Variants in EXTL3 observed in about 807,000 individuals in gnomAD.
EXTL3 encodes exostosin like glycosyltransferase 3.
EXTL3 carries 27 observed loss-of-function variants against 69.3 expected under a neutral mutation model. The ratio of observed to expected loss-of-function variants is 0.39; its 90% CI spans 0.29 to 0.54. EXTL3 has a LOEUF of 0.54. Ranked by LOEUF, EXTL3 falls within the 20% of genes least tolerant of loss-of-function variation. The pLI, the probability that EXTL3 is intolerant of heterozygous loss-of-function variation, is 0.69. For missense variants in EXTL3, 1,003 were observed against 1,231.8 expected, an observed-to-expected ratio of 0.81 and a Z score of 2.78; for synonymous variants, 511 against 499.4, an observed-to-expected ratio of 1.02 and a Z score of -0.31.
At chr8:28,655,476 A>G (rs1400490838) in intron 1 of EXTL3, among the ~76,000 whole-genome samples, 1 of 151,174 alleles carries the variant, frequency 6.6e-6, no homozygotes, top group Non-Finnish European at 1.5e-5. Flanking sequence ...ATACCTTGAG[A>G]ATAAAAATCT....
At chr8:28,618,113 T>C (rs1023653204), upstream of EXTL3, among the ~76,000 whole-genome samples, 1 of 152,134 alleles carries the variant, frequency 6.6e-6, no homozygotes, top group African/African-American at 2.4e-5. Context: ...TTGAGCTCTA[T>C]ACTTAAAAAT....
chr8:28,618,430 C>T (rs1379381464), upstream of EXTL3, among the ~76,000 whole-genome samples: 1 of 152,082 alleles, frequency 6.6e-6, no homozygotes, highest in African/African-American at 2.4e-5. Flanking sequence ...ATGCAAAGGC[C>T]TAGAATTAGA....
intron 1 of EXTL3, among the ~76,000 whole-genome samples, chr8:28,625,576 A>G (rs929763679): frequency 6.6e-6 from 1 of 152,196 alleles, no homozygotes; most frequent in Non-Finnish European, 1.5e-5. Flanking sequence ...TCCAATAATA[A>G]AAACATCACT....
At chr8:28,618,851 G>A (rs899540690), upstream of EXTL3, among the ~76,000 whole-genome samples, 7 of 151,906 alleles carry the variant, frequency 4.6e-5, no homozygotes, top group African/African-American at 9.7e-5. Context: ...TTGGGAGGCT[G>A]AGGCTGGTGG....
upstream of EXTL3, among the ~76,000 whole-genome samples, chr8:28,619,844 TC>T (rs1806385853): frequency 9.0e-6 from 1 of 111,618 alleles, no homozygotes; most frequent in African/African-American, 3.2e-5. Flanking sequence ...GGCTTCTGGT[TC>T]TTTTTTTTTT....
intron 1 of EXTL3, among the ~76,000 whole-genome samples, chr8:28,643,171 G>C (rs958978623): frequency 6.6e-6 from 1 of 152,036 alleles, no homozygotes; most frequent in Non-Finnish European, 1.5e-5. Flanking sequence ...TTGAACCTGG[G>C]ACGTGGAGGT....
intron 1 of EXTL3, among the ~76,000 whole-genome samples, chr8:28,628,729 C>T (rs1806530581): frequency 6.6e-6 from 1 of 152,168 alleles, no homozygotes; most frequent in Non-Finnish European, 1.5e-5. Context: ...TCTCTGCTCA[C>T]TGTAACCTCT....
chr8:28,741,235 G>A (rs1801772781), intron 5 of EXTL3: 1 of 152,180 alleles, frequency 6.6e-6, no homozygotes, highest in Admixed American at 6.5e-5. Context: ...ACCACATACT[G>A]ATGGAAATAC....
At position 28,727,490 on chromosome 8, in the gene EXTL3, G is replaced by A. The variant is rs10087522; in HGVS notation, c.2149-3733G>A. Among the ~76,000 whole-genome samples, 1,461 of 152,260 alleles carry A rather than the reference G, an allele frequency of 9.6e-3. 19 individuals are homozygous for A. Among genetic ancestry groups the A allele is most frequent in the African/African-American group, 0.033 (1,367 of 41,538 alleles). On this transcript the variant is annotated intron_variant, in intron 3 of 6. Coordinates refer to ENST00000220562, the MANE Select transcript of EXTL3 (RefSeq NM_001440.4). The stretch of plus-strand genomic sequence containing the variant: ...GTAGGTTCTCTTGATTTGGTTGTTT[G>A]TAAATTAGATAATTTTGGATATGAT...
chr8:28,709,238 A>G (rs1800982882), intron 1 of EXTL3, among the ~76,000 whole-genome samples: 1 of 152,194 alleles, frequency 6.6e-6, no homozygotes, highest in Admixed American at 6.5e-5. Context: ...AACCCACTTC[A>G]CGGGATTGCT....
intron 1 of EXTL3, among the ~76,000 whole-genome samples, chr8:28,702,307 C>T (rs1221943848): frequency 6.6e-6 from 1 of 152,232 alleles, no homozygotes; most frequent in Non-Finnish European, 1.5e-5. Context: ...AGGCCCAGCT[C>T]CCCTAGAGCC....
intron 1 of EXTL3, among the ~76,000 whole-genome samples, chr8:28,634,657 G>A (rs987185885): frequency 4.0e-5 from 6 of 150,388 alleles, no homozygotes; most frequent in Admixed American, 1.3e-4. Context: ...GTGCAGTGGC[G>A]GAATCTCAGC....
intron 1 of EXTL3, among the ~76,000 whole-genome samples, chr8:28,644,099 A>AT (rs370439150): frequency 2.8e-4 from 41 of 146,374 alleles, no homozygotes; most frequent in South Asian, 4.3e-4. Flanking sequence ...TTACAGTTTG[A>AT]TTTTTTTTTT....
At chr8:28,756,389 A>C (rs552884279), downstream of EXTL3, among the ~76,000 whole-genome samples, 1 of 152,314 alleles carries the variant, frequency 6.6e-6, no homozygotes, top group Admixed American at 6.5e-5. Flanking sequence ...CTACACACCC[A>C]GCATAACGTT....
At chr8:28,636,513 C>T (rs1209436110) in intron 1 of EXTL3, among the ~76,000 whole-genome samples, 1 of 152,096 alleles carries the variant, frequency 6.6e-6, no homozygotes, top group African/African-American at 2.4e-5. Flanking sequence ...AATATCTGCC[C>T]TTAAGAGAAT....
chr8:28,636,412 C>T (rs1806656835), intron 1 of EXTL3, among the ~76,000 whole-genome samples: 1 of 151,962 alleles, frequency 6.6e-6, no homozygotes, highest in Non-Finnish European at 1.5e-5. Flanking sequence ...GCTCTTATCA[C>T]CCTCAACGGA....
upstream of EXTL3, among the ~76,000 whole-genome samples, chr8:28,619,161 G>A (rs992280005): frequency 5.5e-5 from 8 of 144,972 alleles, no homozygotes; most frequent in South Asian, 2.2e-4. Flanking sequence ...GATTTAGCAC[G>A]AGTTTTCCCT....
At chr8:28,647,956 GGGGGTGGGT>G (rs1806861063) in intron 1 of EXTL3, among the ~76,000 whole-genome samples, 1 of 140,926 alleles carries the variant, frequency 7.1e-6, no homozygotes, top group African/African-American at 2.9e-5. Flanking sequence ...TAGATGGGTT[GGGGGTGGGT>G]TGGGGGTGGG....
rs4732876 is a variant in EXTL3, at chr8:28,753,777, G to A, written c.*2911G>A. On this transcript the variant is annotated 3_prime_UTR_variant, in exon 7 of 7. Transcript: ENST00000220562. ...CTGCTTGATTGCTTGATTCCAGGTC[G>A]CCACCTGTGTATGCCAGCTGGGCCT... The A allele has an allele frequency of 0.35, 53,683 of 152,404 alleles. 9,652 individuals are homozygous for A. The highest frequency in any genetic ancestry group is 0.4 in the African/African-American group (16,466 of 41,444). The allele number at this position is 152,404 out of a possible 1,614,324, so 9.4% of individuals were successfully genotyped here.
Sources: gnomAD v4.1 joint callset for allele counts (sites outside exome capture counted in the v4.1 genomes callset) on GRCh38, gnomAD v4.1.1 for gene constraint, MANE v1.5 for transcripts, NCBI Gene and HGNC (gene_info 2026-07-23, HGNC 2026-07-21) for gene names.